The following RBFOX1 variants were observed in gnomAD, a reference collection of about 807,000 sequenced individuals.
RBFOX1 encodes RNA binding fox-1 homolog 1, also known as RNA binding protein fox-1 homolog 1.
A neutral mutation model predicts 57.7 loss-of-function variants in RBFOX1; 8 were observed. The ratio of observed to expected loss-of-function variants is 0.14; its 90% CI spans 0.08 to 0.25. RBFOX1 has a LOEUF of 0.25. RBFOX1 is among the 10% of genes least tolerant of loss of function. The pLI, the probability that RBFOX1 is intolerant of heterozygous loss-of-function variation, is 1.00. For synonymous variants in RBFOX1, 326 were observed against 222.4 expected, an observed-to-expected ratio of 1.47 and a Z score of -4.15; for missense variants, 611 against 548.5, an observed-to-expected ratio of 1.11 and a Z score of -1.14.
chr16:7,692,194 T>G (rs1457469969), intron 14 of RBFOX1, among the ~76,000 whole-genome samples: 5 of 152,198 alleles, frequency 3.3e-5, no homozygotes, highest in Non-Finnish European at 7.3e-5. Context: ...TAGTTGTGAC[T>G]TGTTATGTAG....
intron 3 of RBFOX1, among the ~76,000 whole-genome samples, chr16:6,725,204 C>G (rs934486661): frequency 2.1e-4 from 32 of 152,026 alleles, no homozygotes; most frequent in African/African-American, 6.3e-4. Flanking sequence ...GCACCCGCCA[C>G]CATGCCCAGC....
intron 3 of RBFOX1, among the ~76,000 whole-genome samples, chr16:5,646,432 C>G (rs1035039178): frequency 4.6e-5 from 7 of 152,128 alleles, no homozygotes; most frequent in African/African-American, 1.7e-4. Context: ...AGCCACTGTG[C>G]ACAACCTCTG....
intron 4 of RBFOX1, among the ~76,000 whole-genome samples, chr16:7,155,813 A>G (rs1398881741): frequency 1.3e-5 from 2 of 150,100 alleles, no homozygotes; most frequent in African/African-American, 2.5e-5. Context: ...TAATATTTGT[A>G]TATGTAAATG....
chr16:6,908,121 C>G (rs2070555310), intron 3 of RBFOX1, among the ~76,000 whole-genome samples: 1 of 151,826 alleles, frequency 6.6e-6, no homozygotes, highest in African/African-American at 2.4e-5. Context: ...AGGACATCCA[C>G]ATGTTTTGGA....
At chr16:7,446,600 T>C (rs930016459) in intron 4 of RBFOX1, among the ~76,000 whole-genome samples, 1 of 152,084 alleles carries the variant, frequency 6.6e-6, no homozygotes, top group Non-Finnish European at 1.5e-5. Context: ...CCTATAGTTC[T>C]CTTTCAAGAT....
rs113855893 is a variant in RBFOX1, at chr16:7,501,290, A to G, written c.28-16857A>G. Among the ~76,000 whole-genome samples, 119 of 152,348 alleles carry G rather than the reference A, an allele frequency of 7.8e-4. 2 individuals carry two copies. The highest frequency in any genetic ancestry group is 2.8e-3 in the African/African-American group (115 of 41,582). The stretch of plus-strand genomic sequence containing the variant: ...CTTCCATTGAGAAGGTAATGTCAAA[A>G]TGTAGCTTAAATTATCAGCTCTCTC... On this transcript the variant is annotated intron_variant, in intron 4 of 15. Coordinates refer to ENST00000550418, the MANE Select transcript of RBFOX1 (RefSeq NM_018723.4).
At chr16:6,194,566 C>T (rs1555545906) in intron 1 of RBFOX1, among the ~76,000 whole-genome samples, 1 of 152,128 alleles carries the variant, frequency 6.6e-6, no homozygotes, top group Non-Finnish European at 1.5e-5. Flanking sequence ...TGGACCCACC[C>T]CATTCCCTTC....
In RBFOX1 at chr16:6,780,253, TTATA is replaced by T. The variant is rs1288865548; in HGVS notation, c.-16+125611_-16+125614del. On this transcript the variant is annotated intron_variant, in intron 3 of 15. Coordinates refer to ENST00000550418, the MANE Select transcript of RBFOX1 (RefSeq NM_018723.4). ...TATTTATATATATTTACATATATATTTATATATATATTTATACATATATATATTT... is the reference window on the plus strand; with the variant it reads ...TATTTATATATATTTACATATATATTTATATATTTATACATATATATATTT... Among the ~76,000 whole-genome samples, 4 of 85,750 alleles carry T rather than the reference TTATA, an allele frequency of 4.7e-5. 1 individual carries two copies. The highest frequency in any genetic ancestry group is 7.6e-4 in the East Asian group (2 of 2,632). 56.3% of individuals were successfully genotyped at this position (85,750 alleles called of 152,430 possible). A position where few individuals can be genotyped will look rare whatever the true frequency, so the allele number is the denominator to read the frequency against.
chr16:6,714,219 G>A (rs1253310696), intron 3 of RBFOX1, among the ~76,000 whole-genome samples: 1 of 152,148 alleles, frequency 6.6e-6, no homozygotes, highest in Admixed American at 6.5e-5. Context: ...GTTTCCTGAG[G>A]CCTCTCCAGC....
chr16:7,084,031 C>T (rs1335454695), intron 4 of RBFOX1, among the ~76,000 whole-genome samples: 3 of 152,146 alleles, frequency 2.0e-5, no homozygotes, highest in African/African-American at 7.2e-5. Context: ...CTCTCCTGAT[C>T]ATCTTTCAGG....
intron 2 of RBFOX1, among the ~76,000 whole-genome samples, chr16:6,341,253 C>T (rs1428770449): frequency 1.3e-5 from 2 of 152,130 alleles, no homozygotes; most frequent in African/African-American, 4.8e-5. Flanking sequence ...TAGAGGCTGC[C>T]TACATTCCTT....
At chr16:6,395,008 G>C (rs1165671245) in intron 2 of RBFOX1, among the ~76,000 whole-genome samples, 1 of 152,198 alleles carries the variant, frequency 6.6e-6, no homozygotes. Context: ...ATGATAATCA[G>C]GGAAATTAAA....
intron 15 of RBFOX1, chr16:7,710,419 G>C: frequency 4.3e-6 from 6 of 1,393,912 alleles, no homozygotes; most frequent in Non-Finnish European, 5.5e-6. Flanking sequence ...ATTTGGTTTT[G>C]CAGGGAATTT....
At chr16:6,335,797 A>AAAAAG (rs1241118584) in intron 2 of RBFOX1, among the ~76,000 whole-genome samples, 11 of 149,736 alleles carry the variant, frequency 7.3e-5, no homozygotes, top group South Asian at 2.1e-4. Flanking sequence ...AAAAGAAAAA[A>AAAAAG]AAAAGAAAAG....
In RBFOX1 at chr16:7,238,334, A is replaced by AAT. The variant is rs1555614641; in HGVS notation, c.27+186237_27+186238insTA. ...ACTGCAGACTTAAAATGGTAAAAAA[A>AAT]AAATAAATAAATAAAATAAAAATTA... On this transcript the variant is annotated intron_variant, in intron 4 of 15. Coordinates refer to ENST00000550418, the MANE Select transcript of RBFOX1 (RefSeq NM_018723.4). Among the ~76,000 whole-genome samples, 170 of 150,224 alleles carry AAT rather than the reference A, an allele frequency of 1.1e-3. 2 individuals carry two copies. Among genetic ancestry groups the AAT allele is most frequent in the African/African-American group, 4.0e-3 (158 of 39,734 alleles).
chr16:6,044,746 A>G (rs180754152), intron 1 of RBFOX1, among the ~76,000 whole-genome samples: 2 of 152,320 alleles, frequency 1.3e-5, no homozygotes, highest in East Asian at 1.9e-4. Flanking sequence ...ACCAAATAAC[A>G]CATACCAAGA....
chr16:7,287,293 G>T (rs939795515), intron 4 of RBFOX1, among the ~76,000 whole-genome samples: 1 of 152,190 alleles, frequency 6.6e-6, no homozygotes, highest in Non-Finnish European at 1.5e-5. Flanking sequence ...GATGCCACCA[G>T]AATGATGAGC....
intron 4 of RBFOX1, among the ~76,000 whole-genome samples, chr16:7,148,114 G>A (rs376656425): frequency 3.3e-5 from 5 of 152,146 alleles, no homozygotes; most frequent in African/African-American, 4.8e-5. Flanking sequence ...AGGAAGTGAC[G>A]CACAATTGAC....
chr16:7,518,262 C>A lies in RBFOX1; in HGVS notation c.143C>A (p.Pro48His). The change falls in exon 5 of 16, where the codon CCC becomes CAC. Residue 48 changes from proline (P) to histidine (H), a missense_variant. By Grantham distance (77) the Pro-to-His change is moderately conservative. Coordinates refer to ENST00000550418, the MANE Select transcript of RBFOX1 (RefSeq NM_018723.4). ...GAATACACGGCCCCTCATCCCCACC[C>A]CGCGCCAGAGTACACAGGCCAGACC... is the stretch of plus-strand genomic sequence containing the variant. Reference protein sequence around the residue: ...PAEYTAPHPHPAPEYTGQTTV... With the variant: ...PAEYTAPHPHHAPEYTGQTTV... The A allele has an allele frequency of 6.2e-7, 1 of 1,614,166 alleles. No individual in the cohort carries two copies. The highest frequency in any genetic ancestry group is 8.5e-7 in the Non-Finnish European group (1 of 1,180,018).
Sources: gnomAD v4.1 joint callset for allele counts (sites outside exome capture counted in the v4.1 genomes callset) on GRCh38, gnomAD v4.1.1 for gene constraint, MANE v1.5 for transcripts, NCBI Gene and HGNC (gene_info 2026-07-23, HGNC 2026-07-21) for gene names.